Variants in GLIS3 observed in about 807,000 individuals in gnomAD.
The protein encoded by GLIS3 is zinc finger protein GLIS3.
GLIS3 carries 53 observed loss-of-function variants against 78.6 expected under a neutral mutation model. The ratio of observed to expected loss-of-function variants is 0.67; its 90% CI spans 0.54 to 0.85. The LOEUF is 0.85. Among genes scored for constraint, GLIS3 ranks in the 40% least tolerant of loss-of-function variants. The pLI is 0.00. For missense variants in GLIS3, 1,703 were observed against 1,231.1 expected, an observed-to-expected ratio of 1.38 and a Z score of -5.74; for synonymous variants, 684 against 509.9, an observed-to-expected ratio of 1.34 and a Z score of -4.60.
chr9:4,389,676 A>G, the GLIS3 span, among the ~76,000 whole-genome samples: 5 of 152,230 alleles, frequency 3.3e-5, no homozygotes, highest in African/African-American at 1.2e-4. Flanking sequence ...ACGTCAAGCC[A>G]GAAAGCCATA....
chr9:4,484,580 G>C, the GLIS3 span, among the ~76,000 whole-genome samples: 2 of 151,738 alleles, frequency 1.3e-5, no homozygotes, highest in East Asian at 3.9e-4. Context: ...ACCACACCTG[G>C]CTAATTTTTG....
the GLIS3 span, among the ~76,000 whole-genome samples, chr9:4,403,184 G>A: frequency 0.011 from 1,733 of 152,122 alleles, 28 homozygotes; most frequent in African/African-American, 0.04. Context: ...AAATGCTGAC[G>A]GAACATAACT....
Position 3,862,217 on chromosome 9 carries a change from C to T in GLIS3, c.2298-6033G>A, listed in dbSNP as rs146347141. ...ACAAAGGTAAGAAGGACTTCTCTAG[C>T]GGAGATGGAAAGCAATCATGAGTGG... is the stretch of plus-strand genomic sequence containing the variant. On this transcript the variant is annotated intron_variant, in intron 8 of 10. Coordinates refer to ENST00000381971, the MANE Select transcript of GLIS3 (RefSeq NM_001042413.2). Among the ~76,000 whole-genome samples, 48 of 152,156 alleles carry T rather than the reference C, an allele frequency of 3.2e-4. No individual in the cohort carries two copies. In the East Asian group the frequency reaches 7.9e-3, roughly 25 times the overall value.
chr9:4,006,141 T>G (rs1297438895), intron 4 of GLIS3, among the ~76,000 whole-genome samples: 1 of 151,978 alleles, frequency 6.6e-6, no homozygotes, highest in Non-Finnish European at 1.5e-5. Context: ...GCCAAAATAA[T>G]TTGGGAGAAT....
chr9:4,200,874 A>C (rs1462264757), intron 2 of GLIS3, among the ~76,000 whole-genome samples: 2 of 152,116 alleles, frequency 1.3e-5, no homozygotes, highest in African/African-American at 4.8e-5. Flanking sequence ...ACCTGGAAAA[A>C]ACACACTGAA....
At chr9:4,189,720 G>A (rs10114548) in intron 2 of GLIS3, among the ~76,000 whole-genome samples, 3 of 151,894 alleles carry the variant, frequency 2.0e-5, no homozygotes. Flanking sequence ...AGCTCTTCTT[G>A]TTGAATTGAT....
the GLIS3 span, among the ~76,000 whole-genome samples, chr9:4,388,855 T>C: frequency 2.6e-3 from 394 of 152,256 alleles, 5 homozygotes; most frequent in African/African-American, 8.9e-3. Context: ...TGACATTAGA[T>C]AGCTTTGGGG....
At chr9:4,406,384 G>A in the GLIS3 span, among the ~76,000 whole-genome samples, 19 of 152,240 alleles carry the variant, frequency 1.2e-4, no homozygotes, top group South Asian at 4.1e-4. Flanking sequence ...GCAATTGTGC[G>A]ATCTTGGCTT....
At chr9:4,309,288 A>C (rs1459501826) in intron 3 of GLIS3, among the ~76,000 whole-genome samples, 1 of 152,230 alleles carries the variant, frequency 6.6e-6, no homozygotes, top group Non-Finnish European at 1.5e-5. Flanking sequence ...GCAAGAAATA[A>C]TTCAAAAATA....
chr9:3,861,011 G>T (rs903204938), intron 8 of GLIS3, among the ~76,000 whole-genome samples: 4 of 152,272 alleles, frequency 2.6e-5, no homozygotes, highest in African/African-American at 9.6e-5. Context: ...GGGCGGGGTG[G>T]ATTAGGAATA....
intron 2 of GLIS3, among the ~76,000 whole-genome samples, chr9:4,247,382 A>T (rs1435980734): frequency 1.3e-5 from 2 of 152,250 alleles, no homozygotes; most frequent in Admixed American, 6.5e-5. Flanking sequence ...TCTTATTTAC[A>T]TGGTTAAAAT....
At chr9:4,394,741 A>G in the GLIS3 span, among the ~76,000 whole-genome samples, 1 of 152,194 alleles carries the variant, frequency 6.6e-6, no homozygotes, top group Non-Finnish European at 1.5e-5. Context: ...TTTGCCGAGT[A>G]CAGACTTATG....
intron 4 of GLIS3, among the ~76,000 whole-genome samples, chr9:4,113,843 G>C (rs534207919): frequency 2.4e-4 from 36 of 152,202 alleles, no homozygotes; most frequent in Non-Finnish European, 4.6e-4. Flanking sequence ...AAATACTCTG[G>C]ATTTTGCCAG....
chr9:3,935,861 A>C (rs1198680227), intron 5 of GLIS3, among the ~76,000 whole-genome samples: 2 of 152,172 alleles, frequency 1.3e-5, no homozygotes, highest in African/African-American at 4.8e-5. Context: ...TGTTGCTCTA[A>C]TTATATTTGA....
chr9:3,965,690 G>A (rs1347635681), intron 4 of GLIS3, among the ~76,000 whole-genome samples: 11 of 152,138 alleles, frequency 7.2e-5, no homozygotes, highest in Admixed American at 6.5e-4. Context: ...TCCAAACCCC[G>A]CTATGTTCCT....
chr9:4,218,922 T>C lies in GLIS3; in HGVS notation c.388+67116A>G, dbSNP rs141176330. Reference sequence around the variant, plus strand: ...ACAGAGCACTCATAACTATCAACAATTGTCCTTTCTCTTCCTTTATTCTTT... The same window carrying C: ...ACAGAGCACTCATAACTATCAACAACTGTCCTTTCTCTTCCTTTATTCTTT... On this transcript the variant is annotated intron_variant, in intron 2 of 10. Transcript: ENST00000381971. Among the ~76,000 whole-genome samples, 753 of 152,364 alleles carry C rather than the reference T, an allele frequency of 4.9e-3. 3 individuals carry two copies. Among genetic ancestry groups the C allele is most frequent in the Middle Eastern group, 0.01 (3 of 294 alleles).
chr9:3,834,424 T>TA (rs1818224591), intron 9 of GLIS3, among the ~76,000 whole-genome samples: 1 of 152,254 alleles, frequency 6.6e-6, no homozygotes, highest in African/African-American at 2.4e-5. Flanking sequence ...ATGTGGTTAT[T>TA]ACATCTTTGA....
At chr9:3,897,701 C>T (rs1159854852) in intron 7 of GLIS3, among the ~76,000 whole-genome samples, 1 of 152,214 alleles carries the variant, frequency 6.6e-6, no homozygotes, top group Non-Finnish European at 1.5e-5. Context: ...GCTTACTGCC[C>T]TTTCTCTCTG....
the GLIS3 span, among the ~76,000 whole-genome samples, chr9:4,396,956 A>G: frequency 6.6e-6 from 1 of 150,930 alleles, no homozygotes; most frequent in African/African-American, 2.4e-5. Flanking sequence ...TTTCCTAAGC[A>G]GCTTCTTCTC....
Sources: allele counts gnomAD v4.1 joint callset (sites outside exome capture counted in the v4.1 genomes callset), GRCh38; gene constraint gnomAD v4.1.1; transcripts MANE v1.5; gene names NCBI Gene and HGNC (gene_info 2026-07-23, HGNC 2026-07-21).